SRPK2: variants seen among roughly 807,000 people sequenced by gnomAD.
SRPK2 encodes the protein SFRS protein kinase 2.
In SRPK2, 21 loss-of-function variants were observed where a neutral mutation model predicts 90.8. The ratio of observed to expected loss-of-function variants is 0.23; its 90% CI spans 0.16 to 0.33. The LOEUF (loss-of-function observed/expected upper bound fraction) is 0.33, where lower values mean the gene tolerates loss of function less well. Among genes scored for constraint, SRPK2 ranks in the 10% least tolerant of loss-of-function variants. The pLI, the probability that SRPK2 is intolerant of heterozygous loss-of-function variation, is 1.00. For synonymous variants in SRPK2, 288 were observed against 311.1 expected, an observed-to-expected ratio of 0.93 and a Z score of 0.78; for missense variants, 620 against 869.0, an observed-to-expected ratio of 0.71 and a Z score of 3.60.
intron 2 of SRPK2, among the ~76,000 whole-genome samples, chr7:105,295,303 GTT>G (rs1196998382): frequency 1.3e-5 from 2 of 150,924 alleles, no homozygotes; most frequent in African/African-American, 2.4e-5. Flanking sequence ...ATATTTTAAT[GTT>G]TGTTTTATGT....
chr7:105,308,352 T>C (rs1425131466), intron 2 of SRPK2, among the ~76,000 whole-genome samples: 9 of 152,170 alleles, frequency 5.9e-5, no homozygotes, highest in Non-Finnish European at 8.8e-5. Flanking sequence ...AGAAAACCCA[T>C]TCTTGAGCAG....
chr7:105,116,615 C>G lies in SRPK2; in HGVS notation c.*1223G>C, dbSNP rs143408236. 6.6e-6 allele frequency: 1 copy of G among 152,588 alleles called. No individual in the cohort carries two copies. Among genetic ancestry groups the G allele is most frequent in the Non-Finnish European group, 1.5e-5 (1 of 68,004 alleles). 9.5% of individuals were successfully genotyped at this position (152,588 alleles called of 1,614,324 possible). On this transcript the variant is annotated 3_prime_UTR_variant, in exon 16 of 16. Transcript: ENST00000393651. The stretch of plus-strand genomic sequence containing the variant: ...TAAATATACCTCTATATATTACATT[C>G]TAAAATTGTATTGCCTACTATGGTT...
chr7:105,269,394 C>T (rs375696021), intron 2 of SRPK2, among the ~76,000 whole-genome samples: 1 of 152,018 alleles, frequency 6.6e-6, no homozygotes, highest in African/African-American at 2.4e-5. Flanking sequence ...AAATGTTTAA[C>T]CTTTGTTTTA....
intron 2 of SRPK2, among the ~76,000 whole-genome samples, chr7:105,327,077 A>AG (rs1415685283): frequency 6.6e-6 from 1 of 152,050 alleles, no homozygotes; most frequent in Non-Finnish European, 1.5e-5. Context: ...CAAAAAAAAA[A>AG]AAAAAAAAAT....
At chr7:105,252,058 T>C (rs948560886) in intron 2 of SRPK2, among the ~76,000 whole-genome samples, 3 of 152,180 alleles carry the variant, frequency 2.0e-5, no homozygotes, top group South Asian at 2.1e-4. Flanking sequence ...TTTATGTTAG[T>C]AGAACATTAA....
intron 2 of SRPK2, among the ~76,000 whole-genome samples, chr7:105,376,789 C>G (rs1056989959): frequency 6.6e-6 from 1 of 151,188 alleles, no homozygotes; most frequent in Non-Finnish European, 1.5e-5. Context: ...CCACCCACCT[C>G]GGCCTACCAA....
chr7:105,166,127 T>A (rs1296725176), intron 6 of SRPK2, among the ~76,000 whole-genome samples: 1 of 152,212 alleles, frequency 6.6e-6, no homozygotes, highest in Non-Finnish European at 1.5e-5. Flanking sequence ...CAAGAAACAC[T>A]TTCCTCTGTT....
At chr7:105,366,664 C>G (rs970349304) in intron 2 of SRPK2, among the ~76,000 whole-genome samples, 10 of 152,084 alleles carry the variant, frequency 6.6e-5, no homozygotes, top group African/African-American at 2.2e-4. Context: ...CCACCAGGCC[C>G]AGCCAGGTAT....
chr7:105,361,850 T>C (rs1257426529), intron 2 of SRPK2, among the ~76,000 whole-genome samples: 2 of 152,132 alleles, frequency 1.3e-5, no homozygotes, highest in Non-Finnish European at 2.9e-5. Flanking sequence ...ACTTAAATGT[T>C]AGACCTAAAA....
intron 2 of SRPK2, among the ~76,000 whole-genome samples, chr7:105,370,538 A>G (rs1819572628): frequency 6.6e-6 from 1 of 152,126 alleles, no homozygotes; most frequent in South Asian, 2.1e-4. Context: ...ATTTACATTA[A>G]TAATGTTTCA....
intron 2 of SRPK2, among the ~76,000 whole-genome samples, chr7:105,369,852 ACC>A (rs988739348): frequency 1.3e-5 from 2 of 152,034 alleles, no homozygotes; most frequent in Non-Finnish European, 2.9e-5. Context: ...ACACGGAGAA[ACC>A]CCGTCTCTAC....
intron 2 of SRPK2, among the ~76,000 whole-genome samples, chr7:105,255,179 G>C (rs1803088134): frequency 9.4e-6 from 1 of 106,720 alleles, no homozygotes; most frequent in Admixed American, 9.7e-5. Context: ...TAGAGGAAAA[G>C]GTTTGGTTCT....
At position 105,258,847 on chromosome 7, in the gene SRPK2, T is replaced by C. The variant is rs137894822; in HGVS notation, c.72-55062A>G. On this transcript the variant is annotated intron_variant, in intron 2 of 15. Coordinates refer to ENST00000393651, the MANE Select transcript of SRPK2 (RefSeq NM_182692.3). ...AACAAAATTCAACAGCCCTTCATGC[T>C]AAAAACGCTCAGTAAACTAGGTATT... Among the ~76,000 whole-genome samples the C allele has an allele frequency of 8.2e-3, 1,250 of 152,288 alleles. 18 individuals carry two copies. The highest frequency in any genetic ancestry group is 0.029 in the African/African-American group (1,187 of 41,558).
chr7:105,162,250 C>T (rs1807785664), intron 6 of SRPK2, among the ~76,000 whole-genome samples: 1 of 152,194 alleles, frequency 6.6e-6, no homozygotes. Flanking sequence ...CCATGTTGGC[C>T]AGGCTGGTCT....
intron 7 of SRPK2, among the ~76,000 whole-genome samples, chr7:105,150,139 A>G (rs556079305): frequency 6.6e-6 from 1 of 152,360 alleles, no homozygotes; most frequent in South Asian, 2.1e-4. Flanking sequence ...TGAAGTAGAT[A>G]AAACTAGGAT....
intron 2 of SRPK2, among the ~76,000 whole-genome samples, chr7:105,235,295 T>C (rs984249681): frequency 1.3e-5 from 2 of 152,382 alleles, no homozygotes; most frequent in East Asian, 1.9e-4. Context: ...ATTCATGTTA[T>C]AGATTATTTG....
intron 2 of SRPK2, among the ~76,000 whole-genome samples, chr7:105,275,627 C>T (rs559344319): frequency 4.7e-4 from 71 of 152,294 alleles, no homozygotes; most frequent in Middle Eastern, 3.4e-3. Context: ...GGCTCCCAGA[C>T]CACTAACTAA....
At chr7:105,279,063 C>A (rs984045307) in intron 2 of SRPK2, among the ~76,000 whole-genome samples, 1 of 152,110 alleles carries the variant, frequency 6.6e-6, no homozygotes, top group African/African-American at 2.4e-5. Flanking sequence ...AGTTCCACCC[C>A]CTTCCTTAAA....
At chr7:105,382,049 T>A (rs959663822) in intron 2 of SRPK2, among the ~76,000 whole-genome samples, 2 of 152,006 alleles carry the variant, frequency 1.3e-5, no homozygotes, top group East Asian at 3.9e-4. Context: ...ATGCCTGTAG[T>A]CCCAGCTACT....
Sources: gnomAD v4.1 joint callset for allele counts (sites outside exome capture counted in the v4.1 genomes callset) on GRCh38, gnomAD v4.1.1 for gene constraint, MANE v1.5 for transcripts, NCBI Gene and HGNC (gene_info 2026-07-23, HGNC 2026-07-21) for gene names.